Variants in CKAP2 observed in about 807,000 individuals in gnomAD.
CKAP2 encodes cytoskeleton-associated protein 2.
CKAP2 carries 46 observed loss-of-function variants against 58.4 expected under a neutral mutation model. The ratio of observed to expected loss-of-function variants is 0.79; its 90% CI spans 0.62 to 1.01. The LOEUF (loss-of-function observed/expected upper bound fraction) is 1.01, where lower values mean the gene tolerates loss of function less well. Ranked by LOEUF, CKAP2 falls within the 50% of genes least tolerant of loss-of-function variation. The pLI, the probability that CKAP2 is intolerant of heterozygous loss-of-function variation, is 0.00. For missense variants in CKAP2, 809 were observed against 796.4 expected (o/e 1.02, Z -0.19); for synonymous variants, 293 against 280.9 (o/e 1.04, Z -0.43).
chr13:52,468,689 G>C (rs958389277), intron 7 of CKAP2, among the ~76,000 whole-genome samples: 1 of 152,174 alleles, frequency 6.6e-6, no homozygotes, highest in African/African-American at 2.4e-5. Flanking sequence ...CTCCATCCAT[G>C]TTCCTGCAAA....
chr13:52,461,272 T>G lies in CKAP2; in HGVS notation c.446T>G (p.Leu149Arg), dbSNP rs766687999. ...ATGACATTAAGCCAGGCATTTCACC[T>G]TAAAAACAATAGTAAAAAGAAACAA... The part of the protein sequence containing the change: ...QHMTLSQAFH[L>R]KNNSKKKQMT... Residue 149 changes from leucine (L) to arginine (R), a missense_variant, in exon 4 of 9, where the codon CTT becomes CGT. This residue lies in a region of CKAP2 where 523 missense variants were observed against 492.4 expected (regional missense o/e 1.06). Coordinates refer to ENST00000258607, the MANE Select transcript of CKAP2 (RefSeq NM_018204.5). 2 of 1,613,540 alleles carry G rather than the reference T, an allele frequency of 1.2e-6. No homozygotes were observed. Among genetic ancestry groups the G allele is most frequent in the Non-Finnish European group, 1.7e-6 (2 of 1,179,914 alleles).
intron 2 of CKAP2, among the ~76,000 whole-genome samples, chr13:52,457,235 A>AG (rs1344707548): frequency 1.3e-5 from 2 of 152,066 alleles, no homozygotes; most frequent in Admixed American, 1.3e-4. Context: ...ACAGTCTAAG[A>AG]GAAAAAAACA....
chr13:52,464,834 C>G (rs1958641016), intron 5 of CKAP2, among the ~76,000 whole-genome samples: 1 of 152,082 alleles, frequency 6.6e-6, no homozygotes, highest in Non-Finnish European at 1.5e-5. Flanking sequence ...TCTTGTGGTT[C>G]TGAACACCAG....
At chr13:52,474,293 C>T (rs945399518) in intron 8 of CKAP2, among the ~76,000 whole-genome samples, 4 of 151,954 alleles carry the variant, frequency 2.6e-5, no homozygotes, top group African/African-American at 9.7e-5. Context: ...CAAGACTATC[C>T]TGGGCAACAT....
At position 52,461,503 on chromosome 13, in the gene CKAP2, C is replaced by G; in HGVS notation, c.677C>G (p.Thr226Arg). 6.2e-7 allele frequency: 1 copy of G among 1,614,052 alleles called. No individual in the cohort carries two copies. The highest frequency in any genetic ancestry group is 8.5e-7 in the Non-Finnish European group (1 of 1,179,974). ...KPQPVNTSSV[T>R]VKSNRSSNMT... ...CAGCCTGTAAACACCAGCAGTGTAA[C>G]AGTGAAAAGTAATAGATCCTCCAAT... The change falls in exon 4 of 9, where the codon ACA becomes AGA. Residue 226 changes from threonine (T) to arginine (R), a missense_variant. Coordinates refer to ENST00000258607, the MANE Select transcript of CKAP2 (RefSeq NM_018204.5).
rs1958583437 is a variant in CKAP2 at position 52,461,643 on chromosome 13, A to G, written c.817A>G (p.Arg273Gly). Residue 273 changes from arginine (R) to glycine (G), a missense_variant, in exon 4 of 9, where the codon AGA (arginine) becomes GGA (glycine). Transcript: ENST00000258607. ...GGACACTGTGAAACAAGGCATCAGT[A>G]GAACTTCTGCCAATGTTACAATCCG... ...TRDTVKQGIS[R>G]TSANVTIRKG... 2.5e-6 allele frequency: 4 copies of G among 1,614,054 alleles called. No homozygotes were observed. The highest frequency in any genetic ancestry group is 3.4e-6 in the Non-Finnish European group (4 of 1,180,006).
chr13:52,468,563 A>G (rs1958716133), intron 7 of CKAP2, among the ~76,000 whole-genome samples: 1 of 151,830 alleles, frequency 6.6e-6, no homozygotes, highest in Admixed American at 6.6e-5. Context: ...CCCTCCTCCA[A>G]CCCATGTGCC....
At chr13:52,456,494 G>A (rs1347587524) in intron 1 of CKAP2, 29 bp from the exon 2 acceptor site, 1 of 1,503,470 alleles carries the variant, frequency 6.7e-7, no homozygotes, top group East Asian at 2.3e-5. Context: ...AACTAATATT[G>A]ACTTGTAGCT....
chr13:52,464,856 A>G (rs751530796), intron 5 of CKAP2, among the ~76,000 whole-genome samples: 5 of 152,188 alleles, frequency 3.3e-5, no homozygotes, highest in Non-Finnish European at 5.9e-5. Flanking sequence ...AAAAGTTACA[A>G]TCAGGAAAAC....
rs1179980697 is a variant in CKAP2 at position 52,456,578 on chromosome 13, A to G, written c.126A>G (p.Ala42=). The G allele has an allele frequency of 1.2e-6, 2 of 1,613,566 alleles. No individual in the cohort carries two copies. Among genetic ancestry groups the G allele is most frequent in the Non-Finnish European group, 1.7e-6 (2 of 1,179,790 alleles). ...TGTTGAGAAGAAAAACGCTTTTTGCATACAAGCAGGAAAATGAGATGTTAT... is the reference window on the plus strand; with the variant it reads ...TGTTGAGAAGAAAAACGCTTTTTGCGTACAAGCAGGAAAATGAGATGTTAT... ...EHLLRRKTLF[A]YKQENEMLSS... Residue 42 remains alanine, a synonymous_variant, in exon 2 of 9, where the codon GCA becomes GCG. Coordinates refer to ENST00000258607, the MANE Select transcript of CKAP2 (RefSeq NM_018204.5).
intron 2 of CKAP2, among the ~76,000 whole-genome samples, chr13:52,459,262 T>C (rs1379544821): frequency 6.6e-6 from 1 of 152,212 alleles, no homozygotes; most frequent in Non-Finnish European, 1.5e-5. Flanking sequence ...TGAAAGGCAA[T>C]GTAAGCAAAA....
chr13:52,465,259 A>G (rs1958647525), intron 5 of CKAP2, 36 bp from the exon 6 acceptor site: 3 of 1,569,608 alleles, frequency 1.9e-6, no homozygotes, highest in Non-Finnish European at 2.6e-6. Context: ...TTTGTAAGCT[A>G]AAAAATATTA....
chr13:52,462,618 T>A, intron 5 of CKAP2, 51 bp downstream of exon 5: 1 of 1,393,110 alleles, frequency 7.2e-7, no homozygotes. Context: ...ATTACCTTCA[T>A]AAGCATTATT....
At chr13:52,456,383 G>A in intron 1 of CKAP2, 140 bp from the exon 2 acceptor site, 1 of 757,422 alleles carries the variant, frequency 1.3e-6, no homozygotes, top group Non-Finnish European at 2.1e-6. Context: ...ATATTGAATT[G>A]GAGAATTTTC....
chr13:52,465,390 A>G lies in CKAP2; in HGVS notation c.1401A>G (p.Ala467=). ...KKLVKYWICL[A]LIEPITSPIE... ...TTGTTAAGTATTGGATATGTCTTGC[A>G]CTTATTGAACCAATCACAAGTCCTA... Residue 467 remains alanine (A), a synonymous_variant, in exon 6 of 9, where the codon GCA becomes GCG. Transcript: ENST00000258607. 1 of 1,613,420 alleles carries G rather than the reference A, an allele frequency of 6.2e-7. No homozygotes were observed. The highest frequency in any genetic ancestry group is 8.5e-7 in the Non-Finnish European group (1 of 1,179,512).
In CKAP2 at chr13:52,475,097, A is replaced by G; in HGVS notation, c.2005A>G (p.Asn669Asp). Residue 669 changes from asparagine to aspartate, a missense_variant, in exon 9 of 9, where the codon AAT becomes GAT. By Grantham distance (23) the Asn-to-Asp change is conservative. Around this residue, in one of 3 missense-constraint regions of CKAP2, gnomAD observed 283 missense variants for 287.6 expected, o/e 0.98. Transcript: ENST00000258607. ...RETDAFVCRP[N>D]AALCRVYYEA... ...AACTGATGCTTTTGTATGCCGCCCTAATGCAGCACTGTGCCGGGTGTACTA... is the reference window on the plus strand; with the variant it reads ...AACTGATGCTTTTGTATGCCGCCCTGATGCAGCACTGTGCCGGGTGTACTA... 1 of 1,614,206 alleles carries G rather than the reference A, an allele frequency of 6.2e-7. No individual in the cohort carries two copies. The highest frequency in any genetic ancestry group is 1.3e-5 in the African/African-American group (1 of 75,054).
Position 52,468,300 on chromosome 13 carries a change from C to G in CKAP2, c.1499C>G (p.Thr500Arg). The G allele has an allele frequency of 6.3e-7, 1 of 1,598,326 alleles. No individual in the cohort carries two copies. The highest frequency in any genetic ancestry group is 8.5e-7 in the Non-Finnish European group (1 of 1,171,768). ...GAQPIEEMRH[T>R]IVDILTMKSQ... The stretch of plus-strand genomic sequence containing the variant: ...AAGCCTATTGAAGAGATGCGACACA[C>G]GATTGTAGATATTCTAACAATGAAG... The change falls in exon 7 of 9, where the codon ACG becomes AGG. Residue 500 changes from threonine to arginine, a missense_variant. By Grantham distance (71) the Thr-to-Arg change is moderately conservative. Around this residue, in one of 3 missense-constraint regions of CKAP2, gnomAD observed 283 missense variants for 287.6 expected, o/e 0.98. Coordinates refer to ENST00000258607, the MANE Select transcript of CKAP2 (RefSeq NM_018204.5).
Position 52,476,228 on chromosome 13 carries a change from A to C in CKAP2, c.*1087A>C, listed in dbSNP as rs2137881128. 6.6e-6 allele frequency: 1 copy of C among 152,336 alleles called. No homozygotes were observed. Among genetic ancestry groups the C allele is most frequent in the East Asian group, 1.9e-4 (1 of 5,194 alleles). 9.4% of individuals were successfully genotyped at this position (152,336 alleles called of 1,614,324 possible). On this transcript the variant is annotated 3_prime_UTR_variant, in exon 9 of 9. Coordinates refer to ENST00000258607, the MANE Select transcript of CKAP2 (RefSeq NM_018204.5). The stretch of plus-strand genomic sequence containing the variant: ...GTATGAATGTGAAGATCACATGCTT[A>C]GTCATTTTTATGTTCATTCCACTTT...
chr13:52,469,555 T>G (rs976112735), intron 7 of CKAP2, among the ~76,000 whole-genome samples: 7 of 152,208 alleles, frequency 4.6e-5, no homozygotes, highest in South Asian at 2.1e-4. Flanking sequence ...ACAGATTTTT[T>G]GGGACCATTG....
Sources: gnomAD v4.1 joint callset for allele counts (sites outside exome capture counted in the v4.1 genomes callset) on GRCh38, gnomAD v4.1.1 for gene constraint, gnomAD v4.1.1 regional missense constraint, MANE v1.5 for transcripts, NCBI Gene and HGNC (gene_info 2026-07-23, HGNC 2026-07-21) for gene names.